KCNAB1: variants seen among roughly 807,000 people sequenced by gnomAD.
KCNAB1 encodes voltage-gated potassium channel subunit beta-1.
KCNAB1 carries 35 observed loss-of-function variants against 64.6 expected under a neutral mutation model. The ratio of observed to expected loss-of-function variants is 0.54; its 90% CI spans 0.41 to 0.72. The LOEUF is 0.72. Ranked by LOEUF, KCNAB1 falls within the 30% of genes least tolerant of loss-of-function variation. The pLI, the probability that KCNAB1 is intolerant of heterozygous loss-of-function variation, is 0.00. For missense variants in KCNAB1, 401 were observed against 512.9 expected, an observed-to-expected ratio of 0.78 and a Z score of 2.11; for synonymous variants, 177 against 183.8, an observed-to-expected ratio of 0.96 and a Z score of 0.30.
chr3:156,475,289 TATC>T (rs555262048), intron 8 of KCNAB1, among the ~76,000 whole-genome samples: 1,620 of 152,308 alleles, frequency 0.011, 15 homozygotes, highest in South Asian at 0.03. Context: ...CAAAATAAGA[TATC>T]ATTGCAGTTT....
At chr3:156,473,765 T>C (rs1255291703) in intron 7 of KCNAB1, among the ~76,000 whole-genome samples, 1 of 152,200 alleles carries the variant, frequency 6.6e-6, no homozygotes, top group African/African-American at 2.4e-5. Context: ...TAACATGCAA[T>C]TAATTTTATG....
chr3:156,431,254 T>C (rs1336848369), intron 2 of KCNAB1, among the ~76,000 whole-genome samples: 1 of 152,222 alleles, frequency 6.6e-6, no homozygotes, highest in Non-Finnish European at 1.5e-5. Context: ...AGTCTATTCA[T>C]GTTGTTTACC....
chr3:156,387,570 G>A (rs750426750), intron 1 of KCNAB1, among the ~76,000 whole-genome samples: 10 of 152,162 alleles, frequency 6.6e-5, no homozygotes, highest in Admixed American at 1.3e-4. Flanking sequence ...CAGTTACAGT[G>A]ATTGATTTTC....
At chr3:156,214,972 G>T (rs965838480) in intron 1 of KCNAB1, among the ~76,000 whole-genome samples, 7 of 152,162 alleles carry the variant, frequency 4.6e-5, no homozygotes, top group African/African-American at 1.4e-4. Context: ...TCCACCTCTA[G>T]TATTATTCTT....
In KCNAB1 at chr3:156,253,910, G is replaced by A. The variant is rs115658573; in HGVS notation, c.275+133024G>A. ...CAAACATGGAGGCCATGCCCCCAGC[G>A]ATGTGATGGCTTTAAGTGGGGGTAT... On this transcript the variant is annotated intron_variant, in intron 1 of 13. Coordinates refer to ENST00000490337, the MANE Select transcript of KCNAB1 (RefSeq NM_172160.3). Among the ~76,000 whole-genome samples the A allele has an allele frequency of 1.0e-2, 1,516 of 152,316 alleles. 24 individuals carry two copies. Among genetic ancestry groups the A allele is most frequent in the African/African-American group, 0.035 (1,443 of 41,564 alleles).
rs1719157402 is a variant in KCNAB1 at position 156,537,798 on chromosome 3, A to G, written c.*1051A>G. ...ATTGTTTAATTAGCACTGGGATTTTATAATATAATGTTTGGTATTTTTGAG... is the reference window on the plus strand; with the variant it reads ...ATTGTTTAATTAGCACTGGGATTTTGTAATATAATGTTTGGTATTTTTGAG... On this transcript the variant is annotated 3_prime_UTR_variant, in exon 14 of 14. Coordinates refer to ENST00000490337, the MANE Select transcript of KCNAB1 (RefSeq NM_172160.3). The G allele has an allele frequency of 6.6e-6, 1 of 152,658 alleles. No homozygotes were observed. Among genetic ancestry groups the G allele is most frequent in the Non-Finnish European group, 1.5e-5 (1 of 68,032 alleles). 9.5% of individuals were successfully genotyped at this position (152,658 alleles called of 1,614,324 possible).
At chr3:156,147,505 T>C (rs1715107581) in intron 1 of KCNAB1, among the ~76,000 whole-genome samples, 1 of 152,214 alleles carries the variant, frequency 6.6e-6, no homozygotes, top group Admixed American at 6.5e-5. Flanking sequence ...GGCTATGCTT[T>C]AAGAATTTTC....
At chr3:156,447,585 T>C (rs1009395156) in intron 2 of KCNAB1, among the ~76,000 whole-genome samples, 5 of 152,208 alleles carry the variant, frequency 3.3e-5, no homozygotes, top group African/African-American at 1.2e-4. Context: ...CACTATAGAA[T>C]TTTATAACCT....
chr3:156,526,333 T>C (rs1225625598), intron 12 of KCNAB1, among the ~76,000 whole-genome samples: 1 of 152,232 alleles, frequency 6.6e-6, no homozygotes, highest in African/African-American at 2.4e-5. Flanking sequence ...TAACTGTATC[T>C]TATTTTAAAT....
chr3:156,435,329 A>G (rs1403364321), intron 2 of KCNAB1, among the ~76,000 whole-genome samples: 2 of 152,220 alleles, frequency 1.3e-5, no homozygotes, highest in Non-Finnish European at 2.9e-5. Context: ...AAAGTGGGGC[A>G]GGTTTGAAAT....
chr3:156,237,159 A>C (rs1276185944), intron 1 of KCNAB1, among the ~76,000 whole-genome samples: 2 of 152,154 alleles, frequency 1.3e-5, no homozygotes, highest in African/African-American at 4.8e-5. Context: ...CCCTCATATA[A>C]ATCATTTTCT....
chr3:156,499,432 T>C (rs1716231074), intron 8 of KCNAB1, among the ~76,000 whole-genome samples: 1 of 152,204 alleles, frequency 6.6e-6, no homozygotes, highest in Non-Finnish European at 1.5e-5. Context: ...TTGAACTTGA[T>C]GGGGCTTAAG....
At chr3:156,299,798 T>A (rs79209363) in intron 1 of KCNAB1, among the ~76,000 whole-genome samples, 123 of 152,188 alleles carry the variant, frequency 8.1e-4, no homozygotes, top group African/African-American at 2.8e-3. Context: ...TCATGAGAAA[T>A]CTGTCCTGTT....
intron 1 of KCNAB1, among the ~76,000 whole-genome samples, chr3:156,306,969 A>G (rs1189692325): frequency 6.6e-6 from 1 of 152,226 alleles, no homozygotes; most frequent in Non-Finnish European, 1.5e-5. Context: ...CAGCATCAGC[A>G]TGGAGGGAGG....
At chr3:156,322,178 T>G (rs1225707592) in intron 1 of KCNAB1, among the ~76,000 whole-genome samples, 1 of 152,214 alleles carries the variant, frequency 6.6e-6, no homozygotes, top group Non-Finnish European at 1.5e-5. Context: ...CAGCTCATAC[T>G]CGTCCCAGAA....
chr3:156,232,536 G>A (rs989370229), intron 1 of KCNAB1, among the ~76,000 whole-genome samples: 14 of 152,236 alleles, frequency 9.2e-5, no homozygotes, highest in Admixed American at 7.2e-4. Flanking sequence ...GCTTGGCCAA[G>A]AGGGCAAGGA....
chr3:156,220,303 A>G lies in KCNAB1; in HGVS notation c.275+99417A>G, dbSNP rs144811708. Among the ~76,000 whole-genome samples, 1,146 of 152,346 alleles carry G rather than the reference A, an allele frequency of 7.5e-3. 37 individuals carry two copies. Among genetic ancestry groups the G allele is most frequent in the Admixed American group, 0.046 (704 of 15,302 alleles). ...TTGAGGAATCGCCACACTGTCTTCCACAATGGTTGAACTAACTTACACTCC... is the reference window on the plus strand; with the variant it reads ...TTGAGGAATCGCCACACTGTCTTCCGCAATGGTTGAACTAACTTACACTCC... On this transcript the variant is annotated intron_variant, in intron 1 of 13. Transcript: ENST00000490337.
At chr3:156,119,440 A>G (rs961940593), upstream of KCNAB1, among the ~76,000 whole-genome samples, 2 of 152,148 alleles carry the variant, frequency 1.3e-5, no homozygotes, top group Non-Finnish European at 2.9e-5. Flanking sequence ...GCACTTTCCT[A>G]TCTCTTTAAG....
intron 1 of KCNAB1, among the ~76,000 whole-genome samples, chr3:156,287,551 G>C (rs1235193802): frequency 2.0e-5 from 3 of 152,044 alleles, no homozygotes; most frequent in African/African-American, 7.2e-5. Context: ...AGAGCTCCAG[G>C]CTGGGCATAG....
Sources: gnomAD v4.1 joint callset for allele counts (sites outside exome capture counted in the v4.1 genomes callset) on GRCh38, gnomAD v4.1.1 for gene constraint, MANE v1.5 for transcripts, NCBI Gene and HGNC (gene_info 2026-07-23, HGNC 2026-07-21) for gene names.